Variants in UBE2E3 observed in about 807,000 individuals in gnomAD.
The protein encoded by UBE2E3 is ubiquitin conjugating enzyme E2 E3, also known as ubiquitin-conjugating enzyme E2 E3.
A neutral mutation model predicts 23.6 loss-of-function variants in UBE2E3; 5 were observed. That is an observed-to-expected ratio of 0.21 (90% CI 0.11 to 0.44). The LOEUF (loss-of-function observed/expected upper bound fraction) is 0.44. UBE2E3 is among the 20% of genes least tolerant of loss of function. The pLI, the probability that UBE2E3 is intolerant of heterozygous loss-of-function variation, is 0.99. For missense variants in UBE2E3, 81 were observed against 249.8 expected (o/e 0.32, Z 4.55); for synonymous variants, 78 against 87.5 (o/e 0.89, Z 0.60).
rs117102040 is a variant in UBE2E3 at position 181,007,241 on chromosome 2, C to T, written c.245+23148C>T. ...AAGCTGAGAGAAAGAAGTGACCCTG[C>T]AGGTTTTCAGAATTTTTGAGCCTAA... On this transcript the variant is annotated intron_variant, in intron 3 of 5. Coordinates refer to ENST00000410062, the MANE Select transcript of UBE2E3 (RefSeq NM_006357.4). Among the ~76,000 whole-genome samples, 28 of 152,318 alleles carry T rather than the reference C, an allele frequency of 1.8e-4. 1 individual carries two copies. The East Asian group carries it at 5.4e-3, about 29-fold the overall frequency.
intron 3 of UBE2E3, among the ~76,000 whole-genome samples, chr2:180,998,234 T>G (rs1684889342): frequency 1.3e-5 from 2 of 152,176 alleles, no homozygotes; most frequent in Admixed American, 1.3e-4. Context: ...TTAGGTTCAC[T>G]TTACCCTCAT....
At chr2:180,995,376 GT>G (rs1684793834) in intron 3 of UBE2E3, among the ~76,000 whole-genome samples, 1 of 152,104 alleles carries the variant, frequency 6.6e-6, no homozygotes, top group Non-Finnish European at 1.5e-5. Flanking sequence ...GTATAGTACT[GT>G]AAATGTATTT....
rs1686562571 is a variant in UBE2E3, at chr2:181,043,051, C to T, written c.246-14642C>T. Among the ~76,000 whole-genome samples the T allele has an allele frequency of 2.0e-5, 3 of 152,236 alleles. No individual in the cohort carries two copies. In the South Asian group the frequency reaches 6.2e-4, roughly 32 times the overall value. ...GCTTAAAAGTCAAGTCTTATGCCTG[C>T]ACAACTAGAAAAATAAATGAAAGTG... is the stretch of plus-strand genomic sequence containing the variant. On this transcript the variant is annotated intron_variant, in intron 3 of 5. Transcript: ENST00000410062.
At chr2:181,043,742 T>C (rs1180382988) in intron 3 of UBE2E3, among the ~76,000 whole-genome samples, 1 of 152,184 alleles carries the variant, frequency 6.6e-6, no homozygotes, top group Non-Finnish European at 1.5e-5. Context: ...TATACACATA[T>C]ACAAATTGTT....
Position 181,061,710 on chromosome 2 carries a change from G to A in UBE2E3, c.526+898G>A, listed in dbSNP as rs148511704. 4.4e-4 allele frequency among the ~76,000 whole-genome samples: 67 copies of A among 151,016 alleles called. No individual in the cohort carries two copies. The East Asian group carries it at 9.6e-3, about 22-fold the overall frequency. ...GCCACATGTGAACTTCAGAAACTTG[G>A]GTAGCTGACTTGATAAAGTGATGTT... is the stretch of plus-strand genomic sequence containing the variant. On this transcript the variant is annotated intron_variant, in intron 5 of 5. Transcript: ENST00000410062.
At chr2:181,008,595 C>A (rs1009865307) in intron 3 of UBE2E3, among the ~76,000 whole-genome samples, 3 of 152,178 alleles carry the variant, frequency 2.0e-5, no homozygotes, top group African/African-American at 7.2e-5. Flanking sequence ...ATGCTCAGGG[C>A]AGCATTAGGG....
At chr2:181,013,960 G>A (rs981293671) in intron 3 of UBE2E3, among the ~76,000 whole-genome samples, 8 of 152,188 alleles carry the variant, frequency 5.3e-5, no homozygotes, top group African/African-American at 1.9e-4. Context: ...TGGAAGATCA[G>A]TAACATGCTT....
chr2:181,038,217 C>T (rs1018630332), intron 3 of UBE2E3, among the ~76,000 whole-genome samples: 1 of 152,098 alleles, frequency 6.6e-6, no homozygotes, highest in Non-Finnish European at 1.5e-5. Context: ...TGTACCTTTC[C>T]TGTGTGTTTA....
intron 3 of UBE2E3, chr2:180,989,850 TG>T (rs1337981733): frequency 6.5e-7 from 1 of 1,531,482 alleles, no homozygotes; most frequent in Admixed American, 2.0e-5. Flanking sequence ...AATGAGTTGC[TG>T]TAACAACAGA....
upstream of UBE2E3, chr2:180,980,564 G>GCGTCGCCGCCGCGCCCGCC (rs1684236143): frequency 2.0e-5 from 3 of 148,278 alleles, no homozygotes; most frequent in South Asian, 4.2e-4. This position sits in a 1 kb window ranked among gnomAD's most constrained non-coding sequence, Gnocchi z 5.5. Context: ...GCGAGCACGC[G>GCGTCGCCGCCGCGCCCGCC]CGTCGCCGCC....
intron 3 of UBE2E3, among the ~76,000 whole-genome samples, chr2:181,049,852 G>A (rs1157890640): frequency 2.6e-5 from 4 of 151,850 alleles, no homozygotes; most frequent in Non-Finnish European, 5.9e-5. Flanking sequence ...TTATTTTTAT[G>A]TTCAATCTAA....
chr2:181,017,853 A>G (rs1485367131), intron 3 of UBE2E3, among the ~76,000 whole-genome samples: 3 of 150,590 alleles, frequency 2.0e-5, no homozygotes, highest in Admixed American at 6.7e-5. Flanking sequence ...GCTTTTTTAA[A>G]GGGAGTGATT....
intron 3 of UBE2E3, among the ~76,000 whole-genome samples, chr2:181,042,429 G>A (rs1686543433): frequency 6.6e-6 from 1 of 152,206 alleles, no homozygotes; most frequent in Non-Finnish European, 1.5e-5. Flanking sequence ...CAAAAAGAGG[G>A]AGAAGTCCCT....
intron 3 of UBE2E3, among the ~76,000 whole-genome samples, chr2:181,057,191 G>A (rs73039101): frequency 0.038 from 5,700 of 151,852 alleles, 307 homozygotes; most frequent in East Asian, 0.19. Flanking sequence ...GGGTATTACC[G>A]AATCAGTTGA....
At chr2:180,994,596 GTTAT>G (rs983363818) in intron 3 of UBE2E3, among the ~76,000 whole-genome samples, 3 of 152,266 alleles carry the variant, frequency 2.0e-5, no homozygotes, top group South Asian at 4.1e-4. Flanking sequence ...CTTCCCCACA[GTTAT>G]TTGAGTGAGG....
intron 3 of UBE2E3, among the ~76,000 whole-genome samples, chr2:181,011,660 C>T (rs888703216): frequency 6.6e-6 from 1 of 152,154 alleles, no homozygotes; most frequent in African/African-American, 2.4e-5. Context: ...TAATGTCTTT[C>T]TATTCTTTAA....
chr2:181,035,501 ATAT>A (rs1328646338), intron 3 of UBE2E3, among the ~76,000 whole-genome samples: 4 of 152,112 alleles, frequency 2.6e-5, no homozygotes, highest in Admixed American at 6.6e-5. Context: ...ACTCTTAGTA[ATAT>A]TATATATGTA....
intron 3 of UBE2E3, among the ~76,000 whole-genome samples, chr2:181,048,320 G>A (rs1209537227): frequency 1.3e-5 from 2 of 152,050 alleles, no homozygotes; most frequent in Admixed American, 6.6e-5. Context: ...GCCCCAAATC[G>A]TAGACACTCA....
intron 2 of UBE2E3, 180 bp from the exon 3 acceptor site, chr2:180,983,863 A>T (rs1368918786): frequency 2.3e-6 from 1 of 441,148 alleles, no homozygotes. Flanking sequence ...AAAGCTGCAA[A>T]GTTTCTGTTA....
Sources: allele counts gnomAD v4.1 joint callset (sites outside exome capture counted in the v4.1 genomes callset), GRCh38; gene constraint gnomAD v4.1.1; non-coding constraint Gnocchi (gnomAD v3.1); transcripts MANE v1.5; gene names NCBI Gene and HGNC (gene_info 2026-07-23, HGNC 2026-07-21).